The following CDC14A variants were observed in gnomAD, a reference collection of about 807,000 sequenced individuals.
The protein encoded by CDC14A is cell division cycle 14A.
A neutral mutation model predicts 74.4 loss-of-function variants in CDC14A; 53 were observed. The ratio of observed to expected loss-of-function variants is 0.71; its 90% CI spans 0.57 to 0.89. The LOEUF (loss-of-function observed/expected upper bound fraction) is 0.89. Among genes scored for constraint, CDC14A ranks in the 40% least tolerant of loss-of-function variants. The probability of loss-of-function intolerance (pLI) is 0.00; values close to 1 mark genes in which losing one functional copy is unlikely to be tolerated. For synonymous variants in CDC14A, 247 were observed against 258.4 expected (o/e 0.96, Z 0.43); for missense variants, 646 against 713.7 (o/e 0.91, Z 1.08).
intron 2 of CDC14A, among the ~76,000 whole-genome samples, chr1:100,354,576 T>C (rs1651614406): frequency 1.3e-5 from 2 of 152,390 alleles, no homozygotes; most frequent in Middle Eastern, 3.4e-3. Flanking sequence ...GATATCTTAA[T>C]ACTTCAGGCA....
At chr1:100,443,442 C>T (rs1408791620) in intron 7 of CDC14A, among the ~76,000 whole-genome samples, 1 of 151,820 alleles carries the variant, frequency 6.6e-6, no homozygotes, top group Non-Finnish European at 1.5e-5. Flanking sequence ...CTCAAGCTAT[C>T]CTCCCACCTC....
intron 4 of CDC14A, among the ~76,000 whole-genome samples, chr1:100,397,970 C>A (rs1471918295): frequency 6.6e-6 from 1 of 152,204 alleles, no homozygotes; most frequent in African/African-American, 2.4e-5. Flanking sequence ...TGCAAAGAAG[C>A]CATTCTCCAT....
At chr1:100,349,083 C>G (rs932652689), upstream of CDC14A, among the ~76,000 whole-genome samples, 7 of 152,136 alleles carry the variant, frequency 4.6e-5, no homozygotes, top group Admixed American at 3.3e-4. Context: ...GTAGTCCCAG[C>G]TACTCTGGAG....
At chr1:100,481,942 A>C (rs1245689831) in intron 10 of CDC14A, among the ~76,000 whole-genome samples, 2 of 152,214 alleles carry the variant, frequency 1.3e-5, no homozygotes, top group African/African-American at 2.4e-5. Flanking sequence ...CATGGTTTGC[A>C]TTTTCAATAA....
chr1:100,430,964 C>G (rs1663587495), intron 5 of CDC14A, among the ~76,000 whole-genome samples: 1 of 152,170 alleles, frequency 6.6e-6, no homozygotes, highest in African/African-American at 2.4e-5. Flanking sequence ...ATAATGGAAG[C>G]TAATTCGCGT....
chr1:100,352,082 A>AGG (rs1651108297), upstream of CDC14A, among the ~76,000 whole-genome samples: 1 of 151,872 alleles, frequency 6.6e-6, no homozygotes, highest in Non-Finnish European at 1.5e-5. Context: ...AGAGAGAGAG[A>AGG]AAAGAAATCT....
intron 15 of CDC14A, among the ~76,000 whole-genome samples, chr1:100,515,267 A>C (rs1283657612): frequency 6.6e-6 from 1 of 152,188 alleles, no homozygotes; most frequent in Admixed American, 6.5e-5. Flanking sequence ...TATTCCTGTC[A>C]TCCAACACTG....
chr1:100,362,275 TATACTGA>T (rs1652859863), intron 2 of CDC14A, among the ~76,000 whole-genome samples: 1 of 152,182 alleles, frequency 6.6e-6, no homozygotes, highest in Non-Finnish European at 1.5e-5. Flanking sequence ...CTGAATTTTT[TATACTGA>T]ATTGTGAAAT....
chr1:100,397,680 G>A (rs993231017), intron 4 of CDC14A, among the ~76,000 whole-genome samples: 1 of 151,066 alleles, frequency 6.6e-6, no homozygotes, highest in Admixed American at 6.6e-5. Context: ...CAGAGTTAAA[G>A]AAATACAGTT....
chr1:100,509,920 T>C (rs1367148532), intron 15 of CDC14A, among the ~76,000 whole-genome samples: 2 of 152,194 alleles, frequency 1.3e-5, no homozygotes, highest in Non-Finnish European at 2.9e-5. Flanking sequence ...GTGAGCAAAA[T>C]AAGGTTGACC....
Position 100,389,315 on chromosome 1 carries a change from G to A in CDC14A, c.217-1417G>A, listed in dbSNP as rs537432569. On this transcript the variant is annotated intron_variant, in intron 3 of 15. Transcript: ENST00000336454. Reference sequence around the variant, plus strand: ...TCTACTAAAAATACAAAAATTAGCCGGGCGTGGTTGTGGGTGCCTGTAGTC... The same window carrying A: ...TCTACTAAAAATACAAAAATTAGCCAGGCGTGGTTGTGGGTGCCTGTAGTC... 5.6e-3 allele frequency among the ~76,000 whole-genome samples: 848 copies of A among 151,526 alleles called. 2 individuals are homozygous for A. The highest frequency in any genetic ancestry group is 9.7e-3 in the Non-Finnish European group (657 of 67,830).
chr1:100,412,727 ATATATATATATTT>A (rs1557732369), intron 4 of CDC14A, among the ~76,000 whole-genome samples: 47 of 98,672 alleles, frequency 4.8e-4, no homozygotes, highest in African/African-American at 2.7e-3. Flanking sequence ...TATATATTTT[ATATATATATATTT>A]TATATATATA....
At chr1:100,430,323 G>A (rs1385552781) in intron 5 of CDC14A, among the ~76,000 whole-genome samples, 1 of 152,112 alleles carries the variant, frequency 6.6e-6, no homozygotes, top group East Asian at 1.9e-4. Flanking sequence ...TCTAACAGAG[G>A]ATTCACACCC....
At position 100,495,308 on chromosome 1, in the gene CDC14A, G is replaced by A. The variant is rs368464617; in HGVS notation, c.1250+378G>A. 3.9e-5 allele frequency among the ~76,000 whole-genome samples: 6 copies of A among 152,306 alleles called. No homozygotes were observed. In the East Asian group the frequency reaches 9.6e-4, roughly 24 times the overall value. On this transcript the variant is annotated intron_variant, in intron 12 of 15. Coordinates refer to ENST00000336454, the MANE Select transcript of CDC14A (RefSeq NM_003672.4). ...CATAGTGTATATAAAAGTATTGTAT[G>A]CCAGTCTCTGGCAATCTAAGCTAGT...
intron 4 of CDC14A, among the ~76,000 whole-genome samples, chr1:100,394,918 T>G (rs1658260126): frequency 6.6e-6 from 1 of 152,236 alleles, no homozygotes. Flanking sequence ...CAGTTAAAAT[T>G]TACATATATT....
intron 7 of CDC14A, among the ~76,000 whole-genome samples, chr1:100,451,768 T>C (rs1215148281): frequency 1.3e-5 from 2 of 152,322 alleles, no homozygotes; most frequent in East Asian, 3.9e-4. Flanking sequence ...AAGATGAAAA[T>C]AACATCTACC....
chr1:100,478,871 A>G (rs915737423), intron 10 of CDC14A, among the ~76,000 whole-genome samples: 1 of 152,152 alleles, frequency 6.6e-6, no homozygotes, highest in African/African-American at 2.4e-5. Flanking sequence ...TCAAACATGA[A>G]AATGCCTAGG....
At chr1:100,369,196 C>A (rs975536316) in intron 2 of CDC14A, among the ~76,000 whole-genome samples, 1 of 151,946 alleles carries the variant, frequency 6.6e-6, no homozygotes, top group African/African-American at 2.4e-5. Context: ...CCTGCCTCTG[C>A]CTCCTGGGTT....
chr1:100,480,007 A>G (rs1669289687), intron 10 of CDC14A, among the ~76,000 whole-genome samples: 1 of 152,186 alleles, frequency 6.6e-6, no homozygotes, highest in Non-Finnish European at 1.5e-5. Flanking sequence ...TATAACATAA[A>G]CCTTACAATT....
Sources: allele counts gnomAD v4.1 joint callset (sites outside exome capture counted in the v4.1 genomes callset), GRCh38; gene constraint gnomAD v4.1.1; transcripts MANE v1.5; gene names NCBI Gene and HGNC (gene_info 2026-07-23, HGNC 2026-07-21).